SYCE2: variants seen among roughly 807,000 people sequenced by gnomAD.
SYCE2 encodes the protein central element synaptonemal complex 1.
In SYCE2, 3 loss-of-function variants were observed where a neutral mutation model predicts 27.9. That is an observed-to-expected ratio of 0.11 (90% CI 0.05 to 0.28). The LOEUF is 0.28. SYCE2 is among the 10% of genes least tolerant of loss of function. The pLI, the probability that SYCE2 is intolerant of heterozygous loss-of-function variation, is 1.00. For missense variants in SYCE2, 207 were observed against 263.5 expected, an observed-to-expected ratio of 0.79 and a Z score of 1.48; for synonymous variants, 85 against 100.7, an observed-to-expected ratio of 0.84 and a Z score of 0.93.
At position 12,904,580 on chromosome 19, in the gene SYCE2, C is replaced by G; in HGVS notation, c.218G>C (p.Arg73Thr). ...GATGTTTTCGATCAGCTCCTGGGCT[C>G]TCTTCTGCAGGATGTCAATGCTTGA... Reference protein sequence around the residue: ...LDSSIDILQKRAQELIENINK... With the variant: ...LDSSIDILQKTAQELIENINK... Residue 73 changes from arginine (R) to threonine (T), a missense_variant, in exon 3 of 6, where the codon AGA (arginine) becomes ACA (threonine). Coordinates refer to ENST00000293695, the MANE Select transcript of SYCE2 (RefSeq NM_001105578.2). The G allele has an allele frequency of 1.9e-5, 30 of 1,614,084 alleles. No individual in the cohort carries two copies. The highest frequency in any genetic ancestry group is 2.5e-5 in the Non-Finnish European group (29 of 1,180,028).
chr19:12,902,985 A>G lies in SYCE2; in HGVS notation c.306+1507T>C, dbSNP rs1478452800. Reference sequence around the variant, plus strand: ...TTTTTTTTTTTTCGAGACAGCCAAGATCGTGCCACTCTACTCCAGCCTGGG... The same window carrying G: ...TTTTTTTTTTTTCGAGACAGCCAAGGTCGTGCCACTCTACTCCAGCCTGGG... On this transcript the variant is annotated intron_variant, in intron 3 of 5. Coordinates refer to ENST00000293695, the MANE Select transcript of SYCE2 (RefSeq NM_001105578.2). 9.9e-5 allele frequency among the ~76,000 whole-genome samples: 14 copies of G among 140,912 alleles called. 1 individual carries two copies. In the East Asian group the frequency reaches 2.9e-3, roughly 29 times the overall value. 92.4% of individuals were successfully genotyped at this position (140,912 alleles called of 152,430 possible).
chr19:12,903,067 C>A (rs975399084), intron 3 of SYCE2, among the ~76,000 whole-genome samples: 14 of 147,162 alleles, frequency 9.5e-5, no homozygotes, highest in South Asian at 4.3e-4. Flanking sequence ...AAAGAAAAAA[C>A]CAGAAAGAGG....
At chr19:12,908,971 A>G (rs1405467578) in intron 2 of SYCE2, among the ~76,000 whole-genome samples, 1 of 152,148 alleles carries the variant, frequency 6.6e-6, no homozygotes, top group Admixed American at 6.6e-5. Context: ...TGCACAGGCT[A>G]TTATTCTCCA....
rs556370883 is a variant in SYCE2, at chr19:12,909,818, G to A, written c.132-5152C>T. ...CGACCTCAGGTGATCCGCCCTCCTC[G>A]GCCTCTCAAAGTGCTGGGATTACAG... On this transcript the variant is annotated intron_variant, in intron 2 of 5. Coordinates refer to ENST00000293695, the MANE Select transcript of SYCE2 (RefSeq NM_001105578.2). Among the ~76,000 whole-genome samples, 182 of 151,766 alleles carry A rather than the reference G, an allele frequency of 1.2e-3. 1 individual carries two copies. Among genetic ancestry groups the A allele is most frequent in the Middle Eastern group, 3.4e-3 (1 of 294 alleles).
At chr19:12,917,530 C>G (rs866943716) in intron 2 of SYCE2, among the ~76,000 whole-genome samples, 55 of 149,734 alleles carry the variant, frequency 3.7e-4, no homozygotes, top group African/African-American at 1.1e-3. Context: ...ACCCAGCTAA[C>G]TTCTGTATTT....
At chr19:12,918,119 G>A (rs1971168963) in intron 2 of SYCE2, 103 bp downstream of exon 2, 1 of 952,692 alleles carries the variant, frequency 1.0e-6, no homozygotes, top group South Asian at 1.4e-5. Context: ...TGTTAGGAGG[G>A]AAAAAAAAAG....
intron 2 of SYCE2, among the ~76,000 whole-genome samples, chr19:12,916,450 C>T (rs781545077): frequency 6.6e-6 from 1 of 152,146 alleles, no homozygotes. Flanking sequence ...GCCCCCTCTG[C>T]GTGGAAGGTT....
At chr19:12,919,111 G>T in intron 1 of SYCE2, 132 bp downstream of exon 1, 2 of 1,213,872 alleles carry the variant, frequency 1.6e-6, no homozygotes, top group Non-Finnish European at 2.4e-6. Flanking sequence ...GGCCAGGCCT[G>T]ATGAGAGGGA....
intron 4 of SYCE2, 110 bp downstream of exon 4, chr19:12,900,350 G>GGCCTGGCGGGGTCAGGGCTGGGT: frequency 8.0e-7 from 1 of 1,244,748 alleles, no homozygotes; most frequent in South Asian, 1.5e-5. Context: ...CAGGGACTGT[G>GGCCTGGCGGGGTCAGGGCTGGGT]GCCTGGCGGG....
chr19:12,917,117 T>A (rs1000585927), intron 2 of SYCE2, among the ~76,000 whole-genome samples: 4 of 150,232 alleles, frequency 2.7e-5, no homozygotes, highest in Non-Finnish European at 5.9e-5. Flanking sequence ...AAGGCTGGAA[T>A]GCAATGGCAC....
intron 3 of SYCE2, 57 bp from the exon 4 acceptor site, chr19:12,900,705 C>T: frequency 6.7e-7 from 1 of 1,498,550 alleles, no homozygotes; most frequent in African/African-American, 1.4e-5. Context: ...CACAAGACAT[C>T]TGTGTTAAGT....
chr19:12,918,118 G>T, intron 2 of SYCE2, 104 bp downstream of exon 2: 1 of 958,004 alleles, frequency 1.0e-6, no homozygotes, highest in Non-Finnish European at 1.6e-6. Context: ...GTGTTAGGAG[G>T]GAAAAAAAAA....
chr19:12,904,915 G>C (rs1295214640), intron 2 of SYCE2, among the ~76,000 whole-genome samples: 1 of 151,796 alleles, frequency 6.6e-6, no homozygotes, highest in East Asian at 1.9e-4. Context: ...TGAGGCAGGA[G>C]AATTGCTTGA....
chr19:12,916,295 T>G (rs980477840), intron 2 of SYCE2, among the ~76,000 whole-genome samples: 2 of 152,160 alleles, frequency 1.3e-5, no homozygotes, highest in African/African-American at 4.8e-5. Flanking sequence ...GGTCTCGAAC[T>G]CCTGACCTCG....
At chr19:12,919,112 A>G in intron 1 of SYCE2, 131 bp downstream of exon 1, 1 of 1,226,318 alleles carries the variant, frequency 8.2e-7, no homozygotes, top group African/African-American at 1.5e-5. Flanking sequence ...GCCAGGCCTG[A>G]TGAGAGGGAG....
intron 2 of SYCE2, among the ~76,000 whole-genome samples, chr19:12,908,244 G>A (rs997110950): frequency 6.7e-6 from 1 of 148,810 alleles, no homozygotes; most frequent in African/African-American, 2.5e-5. Flanking sequence ...TCAAGGCCAA[G>A]GTTCTAGAAG....
intron 2 of SYCE2, among the ~76,000 whole-genome samples, chr19:12,910,475 T>G (rs1035252647): frequency 1.3e-5 from 2 of 150,568 alleles, no homozygotes; most frequent in East Asian, 3.9e-4. Context: ...TGGGCTCGAG[T>G]CATTCTCGTG....
At chr19:12,918,909 C>T (rs1226773957) in intron 1 of SYCE2, among the ~76,000 whole-genome samples, 1 of 151,532 alleles carries the variant, frequency 6.6e-6, no homozygotes, top group Admixed American at 6.6e-5. Context: ...CGAGATCACG[C>T]CACTGCACTC....
chr19:12,900,044 G>C lies in SYCE2; in HGVS notation c.572C>G (p.Pro191Arg). Residue 191 changes from proline (P) to arginine (R), a missense_variant, in exon 5 of 6, where the codon CCA (proline) becomes CGA (arginine). Physicochemically the swap from Pro to Arg is moderately radical, Grantham distance 103. Transcript: ENST00000293695. ...SPPRPGNSQP[P>R]DVFVSSVAET... ...AGCCACAGAAGAAACGAACACGTCT[G>C]GGGGCTGTGAGTTGCCGGGACGTGG... 1 of 1,613,746 alleles carries C rather than the reference G, an allele frequency of 6.2e-7. No homozygotes were observed.
Sources: allele counts gnomAD v4.1 joint callset (sites outside exome capture counted in the v4.1 genomes callset), GRCh38; gene constraint gnomAD v4.1.1; transcripts MANE v1.5; gene names NCBI Gene and HGNC (gene_info 2026-07-23, HGNC 2026-07-21).